Variants in PRRX1 observed in about 807,000 individuals in gnomAD.
PRRX1 encodes the protein paired related homeobox 1, also known as paired mesoderm homeobox protein 1.
Under a neutral mutation model 24.0 loss-of-function variants are expected in PRRX1, and 8 were observed. That is an observed-to-expected ratio of 0.33 (90% CI 0.20 to 0.60). PRRX1 has a LOEUF of 0.60. PRRX1 is among the 20% of genes least tolerant of loss of function. The pLI is 0.82. For synonymous variants in PRRX1, 160 were observed against 131.7 expected (o/e 1.22, Z -1.47); for missense variants, 281 against 322.4 (o/e 0.87, Z 0.98).
chr1:170,715,448 G>A (rs1258837670), intron 1 of PRRX1, among the ~76,000 whole-genome samples: 1 of 152,028 alleles, frequency 6.6e-6, no homozygotes, highest in Non-Finnish European at 1.5e-5. Context: ...TTTTTAAAAA[G>A]TATTTGATAA....
intron 3 of PRRX1, among the ~76,000 whole-genome samples, chr1:170,729,454 AT>A (rs5778678): frequency 0.14 from 22,051 of 152,098 alleles, 2,159 homozygotes; most frequent in East Asian, 0.46. Flanking sequence ...AAAAGCAGTT[AT>A]TTGCATATGG....
intron 1 of PRRX1, among the ~76,000 whole-genome samples, chr1:170,684,131 T>C (rs191201793): frequency 6.6e-6 from 1 of 152,224 alleles, no homozygotes; most frequent in Non-Finnish European, 1.5e-5. Context: ...TATCTGCTCC[T>C]GGGGTCATAG....
At chr1:170,721,419 G>A (rs891920764) in intron 2 of PRRX1, among the ~76,000 whole-genome samples, 2 of 152,120 alleles carry the variant, frequency 1.3e-5, no homozygotes, top group African/African-American at 4.8e-5. Flanking sequence ...CATCGATTAG[G>A]GCCTGTGTCT....
In PRRX1 at chr1:170,672,024, T is replaced by A. The variant is rs562247221; in HGVS notation, c.241+7565T>A. ...AGACAGAAGAGAAAACCTGGCACCATAGAGTTTTAGGCCCTGGGATCAGGG... is the reference window on the plus strand; with the variant it reads ...AGACAGAAGAGAAAACCTGGCACCAAAGAGTTTTAGGCCCTGGGATCAGGG... On this transcript the variant is annotated intron_variant, in intron 1 of 3. Transcript: ENST00000239461. 2.3e-3 allele frequency among the ~76,000 whole-genome samples: 347 copies of A among 152,168 alleles called. 1 individual carries two copies. The highest frequency in any genetic ancestry group is 0.014 in the Middle Eastern group (4 of 294).
intron 1 of PRRX1, among the ~76,000 whole-genome samples, chr1:170,698,557 A>AT (rs575570723): frequency 2.2e-4 from 34 of 151,848 alleles, no homozygotes; most frequent in South Asian, 4.2e-4. Context: ...AAAATAGACT[A>AT]TTTTTTTTCC....
At chr1:170,704,724 C>T (rs1306767282) in intron 1 of PRRX1, among the ~76,000 whole-genome samples, 1 of 152,110 alleles carries the variant, frequency 6.6e-6, no homozygotes, top group Non-Finnish European at 1.5e-5. Context: ...TAGATTTTCC[C>T]CAACAGATCT....
At chr1:170,714,465 G>A (rs1278015293) in intron 1 of PRRX1, among the ~76,000 whole-genome samples, 1 of 152,200 alleles carries the variant, frequency 6.6e-6, no homozygotes, top group Non-Finnish European at 1.5e-5. Flanking sequence ...TGCTACTGGA[G>A]CTGGCATTTT....
intron 1 of PRRX1, among the ~76,000 whole-genome samples, chr1:170,705,680 C>G (rs1361878471): frequency 6.6e-6 from 1 of 152,118 alleles, no homozygotes; most frequent in Non-Finnish European, 1.5e-5. Context: ...CTACCAGAAA[C>G]TACTATGTCA....
rs927498931 is a variant in PRRX1, at chr1:170,679,249, A to G, written c.241+14790A>G. On this transcript the variant is annotated intron_variant, in intron 1 of 3. Transcript: ENST00000239461. Reference sequence around the variant, plus strand: ...ACAAACGGTTGCTGAATAAACGAATATGTGAACAAACAAGTGAGAAAGAGC... The same window carrying G: ...ACAAACGGTTGCTGAATAAACGAATGTGTGAACAAACAAGTGAGAAAGAGC... 3.9e-5 allele frequency among the ~76,000 whole-genome samples: 6 copies of G among 152,346 alleles called. No homozygotes were observed. In the South Asian group the frequency reaches 6.2e-4, roughly 16 times the overall value.
At chr1:170,667,310 G>GTACACACACA (rs1553251296) in intron 1 of PRRX1, 1 of 149,848 alleles carries the variant, frequency 6.7e-6, no homozygotes. Flanking sequence ...GCGCGCGCGC[G>GTACACACACA]CACACACACA....
At chr1:170,679,066 T>G (rs1653418292) in intron 1 of PRRX1, among the ~76,000 whole-genome samples, 1 of 152,222 alleles carries the variant, frequency 6.6e-6, no homozygotes, top group Admixed American at 6.5e-5. Flanking sequence ...CCTCGTGACA[T>G]CCACTGTATC....
chr1:170,725,118 G>A (rs2101921508), intron 2 of PRRX1, among the ~76,000 whole-genome samples: 1 of 152,034 alleles, frequency 6.6e-6, no homozygotes, highest in South Asian at 2.1e-4. Flanking sequence ...TGTGATTTTT[G>A]CATACTGATT....
At chr1:170,731,976 T>C (rs1655451408) in intron 3 of PRRX1, among the ~76,000 whole-genome samples, 1 of 152,214 alleles carries the variant, frequency 6.6e-6, no homozygotes, top group Non-Finnish European at 1.5e-5. Context: ...AGCCAAAGCC[T>C]AAAAACTCAG....
chr1:170,690,914 G>A (rs1052524447), intron 1 of PRRX1, among the ~76,000 whole-genome samples: 2 of 152,104 alleles, frequency 1.3e-5, no homozygotes, highest in African/African-American at 4.8e-5. Flanking sequence ...ATAAGGAAAT[G>A]CATGAACTGG....
At chr1:170,732,720 G>C (rs1171386319) in intron 3 of PRRX1, among the ~76,000 whole-genome samples, 1 of 152,100 alleles carries the variant, frequency 6.6e-6, no homozygotes, top group African/African-American at 2.4e-5. Flanking sequence ...CCTACTTCTT[G>C]CGGCTATAGG....
chr1:170,712,157 T>C (rs1654772014), intron 1 of PRRX1, among the ~76,000 whole-genome samples: 2 of 152,192 alleles, frequency 1.3e-5, no homozygotes. Context: ...ACCAATTGCT[T>C]ATCCGTCTGA....
chr1:170,686,729 A>G lies in PRRX1; in HGVS notation c.241+22270A>G, dbSNP rs76425305. ...GATTTACCACTTGGTGTATTCTTTT[A>G]AAATCTATAGTTGACACCTCTCTCT... is the stretch of plus-strand genomic sequence containing the variant. On this transcript the variant is annotated intron_variant, in intron 1 of 3. Coordinates refer to ENST00000239461, the MANE Select transcript of PRRX1 (RefSeq NM_022716.4). Among the ~76,000 whole-genome samples, 135 of 152,300 alleles carry G rather than the reference A, an allele frequency of 8.9e-4. 1 individual carries two copies. Among genetic ancestry groups the G allele is most frequent in the Middle Eastern group, 3.4e-3 (1 of 294 alleles).
In PRRX1 at chr1:170,698,494, A is replaced by C. The variant is rs140047177; in HGVS notation, c.242-21232A>C. Among the ~76,000 whole-genome samples, 202 of 152,350 alleles carry C rather than the reference A, an allele frequency of 1.3e-3. No individual in the cohort carries two copies. In the Middle Eastern group the frequency reaches 0.02, roughly 15 times the overall value. ...CTTCTTCCAAGAATACATAGGCACT[A>C]TTCAGGGTTTAGAAAGTTGTTTTAG... On this transcript the variant is annotated intron_variant, in intron 1 of 3. Coordinates refer to ENST00000239461, the MANE Select transcript of PRRX1 (RefSeq NM_022716.4).
chr1:170,681,228 T>C (rs1286774125), intron 1 of PRRX1, among the ~76,000 whole-genome samples: 1 of 152,210 alleles, frequency 6.6e-6, no homozygotes, highest in East Asian at 1.9e-4. Context: ...CAATAGGGCT[T>C]TGAGACTCAG....
Sources: allele counts gnomAD v4.1 joint callset (sites outside exome capture counted in the v4.1 genomes callset), GRCh38; gene constraint gnomAD v4.1.1; transcripts MANE v1.5; gene names NCBI Gene and HGNC (gene_info 2026-07-23, HGNC 2026-07-21).